Variants in TBCD observed in about 807,000 individuals in gnomAD.
TBCD encodes the protein tubulin-specific chaperone D.
In TBCD, 105 loss-of-function variants were observed where a neutral mutation model predicts 169.3. The observed-to-expected ratio is 0.62, with a 90% confidence interval of 0.53 to 0.73. TBCD has a LOEUF of 0.73. Ranked by LOEUF, TBCD falls within the 30% of genes least tolerant of loss-of-function variation. TBCD has a pLI of 0.00. For synonymous variants in TBCD, 700 were observed against 643.9 expected, an observed-to-expected ratio of 1.09 and a Z score of -1.32; for missense variants, 1,444 against 1,600.1, an observed-to-expected ratio of 0.90 and a Z score of 1.66.
chr17:82,823,594 C>T (rs979201362), intron 13 of TBCD, among the ~76,000 whole-genome samples: 2 of 149,932 alleles, frequency 1.3e-5, no homozygotes, highest in Non-Finnish European at 3.0e-5. Flanking sequence ...TGGGGGCAGA[C>T]GGCAGTGGGC....
chr17:82,872,893 C>T (rs7215159), intron 14 of TBCD, among the ~76,000 whole-genome samples: 1 of 117,572 alleles, frequency 8.5e-6, no homozygotes, highest in Non-Finnish European at 1.8e-5. Context: ...TGGTGGCCGA[C>T]GGCTTCTGAG....
chr17:82,937,968 A>T lies in TBCD; in HGVS notation c.3282-81A>T, dbSNP rs758106536. On this transcript the variant is annotated intron_variant, in intron 35 of 38. Coordinates refer to ENST00000355528, the MANE Select transcript of TBCD (RefSeq NM_005993.5). ...GGATCTGCTCTGCCCAGGTCTCTGC[A>T]TGGGCCTTTGGGTCCGGGGTTTGCT... 54 of 1,580,820 alleles carry T rather than the reference A, an allele frequency of 3.4e-5. 1 individual carries two copies. The Middle Eastern group carries it at 5.0e-4, about 15-fold the overall frequency.
At chr17:82,822,286 C>G (rs562570986) in intron 13 of TBCD, among the ~76,000 whole-genome samples, 1 of 152,114 alleles carries the variant, frequency 6.6e-6, no homozygotes, top group South Asian at 2.1e-4. Context: ...AACAAGGAAA[C>G]GAAGGGAGCA....
At chr17:82,828,551 GC>G (rs11364632) in intron 13 of TBCD, among the ~76,000 whole-genome samples, 118,510 of 135,736 alleles carry the variant, frequency 0.87, 51,361 homozygotes, top group East Asian at 0.92. Context: ...AATGGAATGT[GC>G]CCCCCCCGAT....
chr17:82,941,585 C>A, intron 38 of TBCD, 102 bp downstream of exon 38: 1 of 1,033,132 alleles, frequency 9.7e-7, no homozygotes, highest in Non-Finnish European at 1.4e-6. Flanking sequence ...CACGTCCACA[C>A]GGCCCGTTCC....
chr17:82,796,659 T>A (rs2050127942), intron 7 of TBCD, among the ~76,000 whole-genome samples: 1 of 152,184 alleles, frequency 6.6e-6, no homozygotes, highest in Non-Finnish European at 1.5e-5. Flanking sequence ...AGGTGTGGGA[T>A]CTGCACCACA....
chr17:82,830,104 G>T (rs780088774), intron 13 of TBCD: 1 of 1,611,924 alleles, frequency 6.2e-7, no homozygotes, highest in East Asian at 2.2e-5. Context: ...AGGCGTGTGT[G>T]TGGCCGTAGC....
intron 14 of TBCD, among the ~76,000 whole-genome samples, chr17:82,883,689 G>C (rs1305135202): frequency 6.6e-6 from 1 of 152,222 alleles, no homozygotes; most frequent in African/African-American, 2.4e-5. Context: ...GCAGGACCTG[G>C]ACAGCCCCTG....
At chr17:82,787,388 C>A (rs531835690) in intron 7 of TBCD, among the ~76,000 whole-genome samples, 13 of 152,382 alleles carry the variant, frequency 8.5e-5, no homozygotes, top group Non-Finnish European at 1.6e-4. Context: ...GGGGCCAGCA[C>A]GTCCCTTCCA....
chr17:82,801,811 C>G (rs117948248), intron 9 of TBCD, among the ~76,000 whole-genome samples: 1 of 129,682 alleles, frequency 7.7e-6, no homozygotes, highest in Non-Finnish European at 1.6e-5. Flanking sequence ...TCGGAGTCAG[C>G]GTGGCAGGAG....
At position 82,928,056 on chromosome 17, in the gene TBCD, C is replaced by T. The variant is rs1055184136; in HGVS notation, c.2693+68C>T. The T allele has an allele frequency of 3.8e-5, 56 of 1,466,504 alleles. No individual in the cohort carries two copies. The Middle Eastern group carries it at 5.2e-4, about 14-fold the overall frequency. The allele number at this position is 1,466,504 out of a possible 1,614,324, so 90.8% of individuals were successfully genotyped here. A position where few individuals can be genotyped will look rare whatever the true frequency, so the allele number is the denominator to read the frequency against. On this transcript the variant is annotated intron_variant, in intron 30 of 38. Coordinates refer to ENST00000355528, the MANE Select transcript of TBCD (RefSeq NM_005993.5). ...CCCGAGCTTGGGGAGGCTGGCGGGGCGGGCGGTCCTGGTGCTCAGTGGCAT... is the reference window on the plus strand; with the variant it reads ...CCCGAGCTTGGGGAGGCTGGCGGGGTGGGCGGTCCTGGTGCTCAGTGGCAT...
At chr17:82,924,869 C>T in intron 26 of TBCD, 70 bp from the exon 27 acceptor site, 1 of 1,274,098 alleles carries the variant, frequency 7.8e-7, no homozygotes, top group Non-Finnish European at 1.1e-6. Flanking sequence ...CTGTTTGGGG[C>T]ACACGTCGGG....
intron 7 of TBCD, among the ~76,000 whole-genome samples, chr17:82,795,231 T>A (rs1046578627): frequency 1.1e-4 from 16 of 152,212 alleles, no homozygotes; most frequent in African/African-American, 3.6e-4. Flanking sequence ...AGACGACGTG[T>A]TAGCCCGTTG....
intron 2 of TBCD, among the ~76,000 whole-genome samples, chr17:82,758,653 T>G (rs547661587): frequency 0.011 from 1,647 of 146,776 alleles, 31 homozygotes; most frequent in African/African-American, 0.039. Flanking sequence ...TTTTGCTTTT[T>G]TTTTTTTCTT....
intron 13 of TBCD, among the ~76,000 whole-genome samples, chr17:82,847,106 C>T (rs886398160): frequency 2.6e-5 from 4 of 152,116 alleles, no homozygotes; most frequent in Non-Finnish European, 5.9e-5. Context: ...AATCCCAGCA[C>T]TTTGGGAGGC....
intron 6 of TBCD, among the ~76,000 whole-genome samples, chr17:82,776,384 G>A (rs886174568): frequency 6.6e-6 from 1 of 152,164 alleles, no homozygotes; most frequent in Non-Finnish European, 1.5e-5. Context: ...ATTCCAGCCT[G>A]CACAACAGAG....
At chr17:82,799,151 A>G (rs2050313879) in intron 8 of TBCD, among the ~76,000 whole-genome samples, 1 of 152,208 alleles carries the variant, frequency 6.6e-6, no homozygotes, top group Non-Finnish European at 1.5e-5. Flanking sequence ...TGTGTGTTTT[A>G]GAAGCTATCC....
intron 13 of TBCD, among the ~76,000 whole-genome samples, chr17:82,819,007 G>A (rs1472392715): frequency 2.0e-5 from 3 of 152,132 alleles, no homozygotes; most frequent in African/African-American, 4.8e-5. Context: ...GCAGTGAACC[G>A]AGATCGCACC....
At chr17:82,839,507 A>G (rs1378389571) in intron 13 of TBCD, among the ~76,000 whole-genome samples, 1 of 151,484 alleles carries the variant, frequency 6.6e-6, no homozygotes, top group Non-Finnish European at 1.5e-5. Context: ...ATTCAGCCCT[A>G]ATGTACATAC....
Sources: allele counts gnomAD v4.1 joint callset (sites outside exome capture counted in the v4.1 genomes callset), GRCh38; gene constraint gnomAD v4.1.1; transcripts MANE v1.5; gene names NCBI Gene and HGNC (gene_info 2026-07-23, HGNC 2026-07-21).